PARD3: variants seen among roughly 807,000 people sequenced by gnomAD.
PARD3 encodes the protein par-3 family cell polarity regulator, also known as partitioning defective 3 homolog.
PARD3 carries 75 observed loss-of-function variants against 155.4 expected under a neutral mutation model. The observed-to-expected ratio is 0.48, with a 90% CI of 0.40 to 0.58. The LOEUF (loss-of-function observed/expected upper bound fraction) is 0.58. PARD3 is among the 20% of genes least tolerant of loss of function. The pLI, the probability that PARD3 is intolerant of heterozygous loss-of-function variation, is 0.00. For synonymous variants in PARD3, 576 were observed against 610.5 expected (o/e 0.94, Z 0.83); for missense variants, 1,642 against 1,721.7 (o/e 0.95, Z 0.82).
chr10:34,709,970 G>C (rs1410514597), intron 1 of PARD3, among the ~76,000 whole-genome samples: 2 of 152,080 alleles, frequency 1.3e-5, no homozygotes, highest in African/African-American at 4.8e-5. Flanking sequence ...CACACACTGC[G>C]CCTGAGTATT....
chr10:34,133,903 A>C (rs1234711124), intron 22 of PARD3, among the ~76,000 whole-genome samples: 3 of 152,196 alleles, frequency 2.0e-5, no homozygotes, highest in African/African-American at 7.2e-5. Context: ...TCTAGAATAT[A>C]CTGTCAATAC....
intron 7 of PARD3, among the ~76,000 whole-genome samples, chr10:34,389,841 AG>A (rs1346917979): frequency 6.6e-6 from 1 of 152,002 alleles, no homozygotes; most frequent in African/African-American, 2.4e-5. Flanking sequence ...TTTTTTTTTT[AG>A]AAAAACTTCA....
At chr10:34,263,589 G>A (rs1001753724) in intron 22 of PARD3, among the ~76,000 whole-genome samples, 3 of 152,146 alleles carry the variant, frequency 2.0e-5, no homozygotes, top group African/African-American at 7.2e-5. Flanking sequence ...AGCCCAGGAG[G>A]TTGAGGCTGC....
intron 4 of PARD3, among the ~76,000 whole-genome samples, chr10:34,469,751 A>G (rs2078232965): frequency 6.6e-6 from 1 of 152,198 alleles, no homozygotes; most frequent in South Asian, 2.1e-4. Flanking sequence ...GAAATGGGAG[A>G]GGAGACCAGG....
chr10:34,247,601 T>C (rs1485913434), intron 22 of PARD3, among the ~76,000 whole-genome samples: 1 of 152,030 alleles, frequency 6.6e-6, no homozygotes, highest in Non-Finnish European at 1.5e-5. Context: ...TTCAAATACA[T>C]GCTAAAGAAC....
chr10:34,606,334 A>G (rs2090432913), intron 2 of PARD3, among the ~76,000 whole-genome samples: 1 of 151,678 alleles, frequency 6.6e-6, no homozygotes, highest in African/African-American at 2.4e-5. Context: ...ACTCAGGCAG[A>G]GTCACCCAGA....
chr10:34,503,046 T>C (rs541241317), intron 3 of PARD3, among the ~76,000 whole-genome samples: 1 of 151,236 alleles, frequency 6.6e-6, no homozygotes, highest in African/African-American at 2.5e-5. Flanking sequence ...AACTCCCTTA[T>C]TCTGGTTATT....
intron 22 of PARD3, among the ~76,000 whole-genome samples, chr10:34,221,474 A>G (rs952912143): frequency 2.0e-5 from 3 of 151,570 alleles, no homozygotes; most frequent in African/African-American, 7.3e-5. Context: ...AGGTGGTGGA[A>G]TGGCTAAATC....
chr10:34,130,240 T>G (rs1242969795), intron 23 of PARD3, among the ~76,000 whole-genome samples: 1 of 152,116 alleles, frequency 6.6e-6, no homozygotes, highest in African/African-American at 2.4e-5. Flanking sequence ...TGAGCCCTCT[T>G]GCACACTGCT....
chr10:34,542,234 T>TGTGTGTGTGCGCAC (rs143582528), intron 2 of PARD3, among the ~76,000 whole-genome samples: 3 of 146,198 alleles, frequency 2.1e-5, no homozygotes, highest in Non-Finnish European at 3.0e-5. Flanking sequence ...TGTGTGTGTG[T>TGTGTGTGTGCGCAC]GTGTGCACAC....
chr10:34,633,991 T>C (rs889259687), intron 2 of PARD3, among the ~76,000 whole-genome samples: 2 of 152,186 alleles, frequency 1.3e-5, no homozygotes, highest in African/African-American at 4.8e-5. Flanking sequence ...TCAACTACAT[T>C]GACCTGTCTA....
At chr10:34,741,909 T>C (rs1346216172) in intron 1 of PARD3, among the ~76,000 whole-genome samples, 1 of 152,230 alleles carries the variant, frequency 6.6e-6, no homozygotes, top group Admixed American at 6.5e-5. Context: ...AGCATTAGAA[T>C]ATAAAATACC....
intron 4 of PARD3, among the ~76,000 whole-genome samples, chr10:34,467,020 G>A (rs917850654): frequency 6.6e-6 from 1 of 152,052 alleles, no homozygotes; most frequent in Admixed American, 6.5e-5. Flanking sequence ...TTTCCTATGG[G>A]AAAGTATGGG....
At chr10:34,248,325 G>C (rs193147380) in intron 22 of PARD3, among the ~76,000 whole-genome samples, 36 of 152,252 alleles carry the variant, frequency 2.4e-4, no homozygotes, top group African/African-American at 7.9e-4. Context: ...TAAACAGCAT[G>C]GTCAATAAAA....
chr10:34,513,276 G>T (rs866387900), intron 3 of PARD3, among the ~76,000 whole-genome samples: 2 of 152,004 alleles, frequency 1.3e-5, no homozygotes, highest in Non-Finnish European at 2.9e-5. Flanking sequence ...CTTCTCCATA[G>T]GTTGGTTAGT....
chr10:34,496,787 G>A (rs2080320992), intron 3 of PARD3, among the ~76,000 whole-genome samples: 1 of 151,376 alleles, frequency 6.6e-6, no homozygotes, highest in Non-Finnish European at 1.5e-5. Flanking sequence ...TTCTAAACCA[G>A]CCAAATATAA....
At chr10:34,632,871 T>C (rs1259717334) in intron 2 of PARD3, among the ~76,000 whole-genome samples, 4 of 152,202 alleles carry the variant, frequency 2.6e-5, no homozygotes, top group Non-Finnish European at 4.4e-5. Flanking sequence ...GGAGTGTCTT[T>C]ACTTCCCGTT....
chr10:34,358,670 T>C (rs1839141824), intron 14 of PARD3, among the ~76,000 whole-genome samples: 3 of 151,966 alleles, frequency 2.0e-5, no homozygotes, highest in African/African-American at 4.8e-5. Flanking sequence ...TCCAGCATGG[T>C]CAACACAGTG....
In PARD3 at chr10:34,542,715, T is replaced by C. The variant is rs528589112; in HGVS notation, c.223-25556A>G. ...TGGTTACAAATAATTTTCTTCTGAT[T>C]ATAAAATATCATAGGTGCTCATTGC... is the stretch of plus-strand genomic sequence containing the variant. On this transcript the variant is annotated intron_variant, in intron 2 of 24. Transcript: ENST00000374788. Among the ~76,000 whole-genome samples, 3 of 152,318 alleles carry C rather than the reference T, an allele frequency of 2.0e-5. No homozygotes were observed. In the South Asian group the frequency reaches 6.2e-4, roughly 32 times the overall value.
Sources: allele counts gnomAD v4.1 joint callset (sites outside exome capture counted in the v4.1 genomes callset), GRCh38; gene constraint gnomAD v4.1.1; transcripts MANE v1.5; gene names NCBI Gene and HGNC (gene_info 2026-07-23, HGNC 2026-07-21).